The following PAM variants were observed in gnomAD, a reference collection of about 807,000 sequenced individuals.
The protein encoded by PAM is peptidylglycine alpha-amidating monooxygenase.
Under a neutral mutation model 122.1 loss-of-function variants are expected in PAM, and 72 were observed. The observed-to-expected ratio is 0.59, with a 90% CI of 0.49 to 0.72. The LOEUF (loss-of-function observed/expected upper bound fraction) is 0.72, where lower values mean the gene tolerates loss of function less well. PAM is among the 30% of genes least tolerant of loss of function. The probability of loss-of-function intolerance (pLI) is 0.00; values close to 1 mark genes in which losing one functional copy is unlikely to be tolerated. For synonymous variants in PAM, 389 were observed against 404.4 expected, an observed-to-expected ratio of 0.96 and a Z score of 0.46; for missense variants, 1,106 against 1,183.7, an observed-to-expected ratio of 0.93 and a Z score of 0.96.
Position 102,819,342 on chromosome 5 carries a change from G to T in PAM, c.-373-46481G>T, listed in dbSNP as rs76194973. Among the ~76,000 whole-genome samples, 9 of 152,066 alleles carry T rather than the reference G, an allele frequency of 5.9e-5. No homozygotes were observed. In the East Asian group the frequency reaches 1.2e-3, roughly 20 times the overall value. On this transcript the variant is annotated intron_variant, in intron 1 of 25. Transcript: ENST00000438793. ...CATCGTTTTGGTGAAAATGAGCAGG[G>T]TGTCACTTGCTAGAAAAGTTTTGAA...
chr5:102,821,072 T>C (rs1450810771), intron 1 of PAM, among the ~76,000 whole-genome samples: 1 of 152,180 alleles, frequency 6.6e-6, no homozygotes, highest in African/African-American at 2.4e-5. Context: ...ATTTTTCATC[T>C]TCTGTACCTT....
intron 1 of PAM, among the ~76,000 whole-genome samples, chr5:102,793,246 G>C (rs952008198): frequency 6.6e-6 from 1 of 152,120 alleles, no homozygotes; most frequent in Non-Finnish European, 1.5e-5. Context: ...CTTGTAAATT[G>C]GGCTGGGTGC....
intron 3 of PAM, among the ~76,000 whole-genome samples, chr5:102,872,963 G>A (rs903141783): frequency 2.6e-5 from 4 of 151,992 alleles, no homozygotes; most frequent in Non-Finnish European, 5.9e-5. Flanking sequence ...ACTACCTACA[G>A]CCTACTATGC....
intron 14 of PAM, among the ~76,000 whole-genome samples, chr5:102,966,517 G>A (rs1405554718): frequency 1.3e-5 from 2 of 152,060 alleles, no homozygotes; most frequent in Non-Finnish European, 2.9e-5. Flanking sequence ...TCCTTGAGCT[G>A]GTCACCATGG....
intron 1 of PAM, among the ~76,000 whole-genome samples, chr5:102,808,731 A>G (rs1244628002): frequency 1.3e-5 from 2 of 152,244 alleles, no homozygotes; most frequent in African/African-American, 4.8e-5. Flanking sequence ...TAAAATATGT[A>G]GGACAAAGAT....
At chr5:102,895,973 G>A (rs1225267477) in intron 3 of PAM, 1 of 151,686 alleles carries the variant, frequency 6.6e-6, no homozygotes, top group African/African-American at 2.4e-5. Context: ...GTGAGTAATG[G>A]AGATCGTCAG....
In PAM at chr5:103,008,719, A is replaced by G. The variant is rs546024793; in HGVS notation, c.2216-1032A>G. On this transcript the variant is annotated intron_variant, in intron 20 of 25. Transcript: ENST00000438793. ...ATTTGGCTTCCTCAAGGAATAAAGA[A>G]AAAGTAATAAGAGGTTCTCACAACT... Among the ~76,000 whole-genome samples the G allele has an allele frequency of 3.9e-5, 6 of 152,268 alleles. No homozygotes were observed. In the Middle Eastern group the frequency reaches 0.01, roughly 259 times the overall value.
chr5:103,004,794 T>C lies in PAM; in HGVS notation c.1731-360T>C, dbSNP rs112117323. 5.9e-3 allele frequency among the ~76,000 whole-genome samples: 903 copies of C among 152,344 alleles called. 7 individuals carry two copies. The highest frequency in any genetic ancestry group is 0.021 in the African/African-American group (862 of 41,578). ...ACCGCAAACTATATCAATCCATTTA[T>C]GTTTCTTAAGTCAGTTTTATACATA... On this transcript the variant is annotated intron_variant, in intron 17 of 25. Coordinates refer to ENST00000438793, the MANE Select transcript of PAM (RefSeq NM_001177306.2).
intron 15 of PAM, among the ~76,000 whole-genome samples, chr5:102,985,108 G>A (rs1771324113): frequency 6.6e-6 from 1 of 151,962 alleles, no homozygotes; most frequent in Non-Finnish European, 1.5e-5. Flanking sequence ...GTTTGTAGCA[G>A]TAAATACCTA....
intron 1 of PAM, among the ~76,000 whole-genome samples, chr5:102,776,280 T>C (rs1163937755): frequency 6.6e-6 from 1 of 152,126 alleles, no homozygotes; most frequent in East Asian, 1.9e-4. Flanking sequence ...TCTCATTCCG[T>C]AGGTTATCTT....
chr5:102,848,900 A>AT lies in PAM; in HGVS notation c.-373-16922dup, dbSNP rs368952732. Among the ~76,000 whole-genome samples, 636 of 152,320 alleles carry AT rather than the reference A, an allele frequency of 4.2e-3. 5 individuals carry two copies. Among genetic ancestry groups the AT allele is most frequent in the Middle Eastern group, 0.01 (3 of 294 alleles). On this transcript the variant is annotated intron_variant, in intron 1 of 25. Transcript: ENST00000438793. ...AGAATATGTAAGAATATTTATCAGA[A>AT]TCAGTATCTTAAGTCTTCAGATTAG...
At chr5:103,001,189 G>A (rs1425756319) in intron 16 of PAM, among the ~76,000 whole-genome samples, 2 of 152,076 alleles carry the variant, frequency 1.3e-5, no homozygotes, top group African/African-American at 4.8e-5. Context: ...GTTGAATCCA[G>A]TACCTATGTT....
downstream of PAM, chr5:103,029,762 T>C (rs1785990192): frequency 6.6e-6 from 1 of 152,048 alleles, no homozygotes; most frequent in Non-Finnish European, 1.5e-5. Context: ...AGATTTTACA[T>C]ACAACTTTTA....
intron 1 of PAM, among the ~76,000 whole-genome samples, chr5:102,830,082 C>T (rs1774987033): frequency 6.6e-6 from 1 of 152,114 alleles, no homozygotes; most frequent in South Asian, 2.1e-4. Flanking sequence ...TGTACTGGGG[C>T]TTATGTGCAG....
chr5:102,918,869 G>C (rs1264973814), intron 5 of PAM, among the ~76,000 whole-genome samples: 1 of 151,956 alleles, frequency 6.6e-6, no homozygotes, highest in Non-Finnish European at 1.5e-5. Flanking sequence ...TAAAACGAGT[G>C]GGCTTCTTAT....
At chr5:102,863,794 T>C (rs1784790097) in intron 1 of PAM, among the ~76,000 whole-genome samples, 1 of 151,360 alleles carries the variant, frequency 6.6e-6, no homozygotes. Context: ...ATGTTTTTTT[T>C]TTGATCTGAT....
intron 1 of PAM, among the ~76,000 whole-genome samples, chr5:102,860,166 A>T (rs1323958734): frequency 1.3e-5 from 2 of 152,104 alleles, no homozygotes; most frequent in African/African-American, 2.4e-5. Flanking sequence ...GAAATTGAGG[A>T]AGGGTGGCCT....
At chr5:102,814,499 G>GTC (rs141083370) in intron 1 of PAM, among the ~76,000 whole-genome samples, 37 of 144,350 alleles carry the variant, frequency 2.6e-4, no homozygotes, top group East Asian at 9.9e-4. Flanking sequence ...AGCCAAAAGC[G>GTC]TCTCTCTCTC....
chr5:102,915,112 A>T (rs987157501), intron 5 of PAM, among the ~76,000 whole-genome samples: 2 of 152,052 alleles, frequency 1.3e-5, no homozygotes, highest in Non-Finnish European at 1.5e-5. Flanking sequence ...TCTTATTTTC[A>T]CGTAGACCCA....
Sources: allele counts gnomAD v4.1 joint callset (sites outside exome capture counted in the v4.1 genomes callset), GRCh38; gene constraint gnomAD v4.1.1; transcripts MANE v1.5; gene names NCBI Gene and HGNC (gene_info 2026-07-23, HGNC 2026-07-21).